The following COL6A5 variants were observed in gnomAD, a reference collection of about 807,000 sequenced individuals.
COL6A5 encodes collagen alpha-5(VI) chain.
Under a neutral mutation model 65.6 loss-of-function variants are expected in COL6A5, and 48 were observed. The ratio of observed to expected loss-of-function variants is 0.73; its 90% CI spans 0.58 to 0.93. COL6A5 has a LOEUF of 0.93. COL6A5 is among the 40% of genes least tolerant of loss of function. The pLI is 0.00. For synonymous variants in COL6A5, 291 were observed against 322.8 expected, an observed-to-expected ratio of 0.90 and a Z score of 1.05; for missense variants, 914 against 928.3, an observed-to-expected ratio of 0.98 and a Z score of 0.20.
At chr3:130,482,231 A>G (rs1235952242) in intron 7 of COL6A5, among the ~76,000 whole-genome samples, 1 of 152,174 alleles carries the variant, frequency 6.6e-6, no homozygotes, top group Non-Finnish European at 1.5e-5. Context: ...TATAAAGTAT[A>G]AGGAAAGGGT....
chr3:130,429,880 C>T (rs976497116), upstream of COL6A5, among the ~76,000 whole-genome samples: 7 of 152,164 alleles, frequency 4.6e-5, no homozygotes, highest in Admixed American at 4.6e-4. Context: ...GACTAATCCA[C>T]GTTCTGTTGC....
intron 5 of COL6A5, among the ~76,000 whole-genome samples, chr3:130,456,696 G>A (rs1028634569): frequency 7.9e-5 from 12 of 152,032 alleles, no homozygotes; most frequent in Admixed American, 7.2e-4. Flanking sequence ...TAAAATGCTT[G>A]TTTGGCAGAA....
chr3:130,473,166 T>C (rs1710002988), intron 7 of COL6A5, among the ~76,000 whole-genome samples: 1 of 152,030 alleles, frequency 6.6e-6, no homozygotes, highest in Non-Finnish European at 1.5e-5. Flanking sequence ...ATGTCACTTA[T>C]CTTTTCCACT....
chr3:130,426,394 G>A, exon 31 of COL6A5: 2 of 1,551,104 alleles, frequency 1.3e-6, no homozygotes, highest in Admixed American at 3.9e-5. Context: ...GTTTTTGCGG[G>A]AACATAGTCG....
chr3:130,474,406 C>T lies in COL6A5; in HGVS notation c.2328+3439C>T, dbSNP rs537427368. Reference sequence around the variant, plus strand: ...ATATTCAAAATGTTCAGGATACAATCCAAAATTATGGAACATACAGAGAAC... The same window carrying T: ...ATATTCAAAATGTTCAGGATACAATTCAAAATTATGGAACATACAGAGAAC... On this transcript the variant is annotated intron_variant, in intron 7 of 7. Transcript: ENST00000512836. 1.9e-4 allele frequency among the ~76,000 whole-genome samples: 29 copies of T among 152,044 alleles called. 2 individuals are homozygous for T. The South Asian group carries it at 6.0e-3, about 32-fold the overall frequency.
In COL6A5 at chr3:130,401,038, T is replaced by A. The variant is rs745795000; in HGVS notation, c.3999T>A (p.Asp1333Glu). 1.9e-6 allele frequency: 3 copies of A among 1,544,406 alleles called. No individual in the cohort carries two copies. In the South Asian group the frequency reaches 3.7e-5, roughly 19 times the overall value. ...GTGGTTTTTACCACATAGGACTTGA[T>A]GCTCTGCTGGTAGTGTCCCTTAACA... Residue 1333 changes from aspartate to glutamate, a missense_variant and NMD_transcript_variant, in exon 11 of 42, where the codon GAT becomes GAA. Coordinates refer to the COL6A5 transcript ENST00000312481.
intron 8 of COL6A5, among the ~76,000 whole-genome samples, chr3:130,397,180 G>A (rs1241182826): frequency 2.6e-5 from 4 of 152,112 alleles, no homozygotes; most frequent in Non-Finnish European, 4.4e-5. Flanking sequence ...AAACTTTAAT[G>A]TATTCTGACT....
intron 1 of COL6A5, among the ~76,000 whole-genome samples, chr3:130,363,310 C>G (rs1458196786): frequency 1.3e-5 from 2 of 152,194 alleles, no homozygotes; most frequent in Non-Finnish European, 2.9e-5. Flanking sequence ...CCTTACTCAT[C>G]CTGTAAATAG....
exon 6 of COL6A5, chr3:130,388,620 C>T (rs569605539): frequency 7.1e-6 from 11 of 1,548,948 alleles, no homozygotes; most frequent in East Asian, 2.4e-5. Flanking sequence ...TTCTGGTGGA[C>T]AGTTCTTGGA....
chr3:130,418,656 G>A (rs540920310), intron 24 of COL6A5, among the ~76,000 whole-genome samples: 1 of 152,086 alleles, frequency 6.6e-6, no homozygotes, highest in East Asian at 1.9e-4. Flanking sequence ...TTATAACACT[G>A]GAAAAGCAGC....
intron 13 of COL6A5, among the ~76,000 whole-genome samples, chr3:130,405,309 G>A (rs541897206): frequency 4.0e-4 from 61 of 152,250 alleles, no homozygotes; most frequent in African/African-American, 1.4e-3. Flanking sequence ...CCACTGTGCT[G>A]TTTGATCAGG....
chr3:130,388,561 T>A lies in COL6A5; in HGVS notation c.1862-19T>A. ...TTTCCAACCTGGTTATTTCTGGTCT[T>A]TTTTTTTATAACATGCAGGATGTGA... On this transcript the variant is annotated intron_variant and NMD_transcript_variant, in intron 5 of 41. Transcript: ENST00000312481. The A allele has an allele frequency of 1.3e-6, 2 of 1,492,854 alleles. No individual in the cohort carries two copies. The highest frequency in any genetic ancestry group is 1.8e-6 in the Non-Finnish European group (2 of 1,122,920). 92.5% of individuals were successfully genotyped at this position (1,492,854 alleles called of 1,614,324 possible).
chr3:130,410,896 T>A (rs1937154726), intron 20 of COL6A5, among the ~76,000 whole-genome samples: 2 of 152,182 alleles, frequency 1.3e-5, no homozygotes, highest in Non-Finnish European at 2.9e-5. Flanking sequence ...AGTTGGCCTT[T>A]CCCTTTCCAC....
Position 130,465,214 on chromosome 3 carries a change from C to T in COL6A5, c.1545-3581C>T, listed in dbSNP as rs143144411. On this transcript the variant is annotated intron_variant, in intron 5 of 7. Transcript: ENST00000512836. ...AGCTCCTGGAGCTGAGGAGTCAGAG[C>T]TGAGAGAACAGGGAGACCAAGGCAG... Among the ~76,000 whole-genome samples the T allele has an allele frequency of 3.7e-3, 559 of 152,060 alleles. 3 individuals carry two copies. Among genetic ancestry groups the T allele is most frequent in the African/African-American group, 0.013 (542 of 41,516 alleles).
chr3:130,404,733 A>C (rs976482882), intron 13 of COL6A5, among the ~76,000 whole-genome samples: 2 of 152,230 alleles, frequency 1.3e-5, no homozygotes, highest in Non-Finnish European at 2.9e-5. Context: ...CTCCTTTTGC[A>C]GGGAATGATC....
chr3:130,350,231 G>T lies in COL6A5; in HGVS notation c.-29+4250G>T, dbSNP rs78449469. ...AATCTGCTACGTGGATGCAGGACAA[G>T]AATGGTTCTTTGCGGCACAAGACAA... is the stretch of plus-strand genomic sequence containing the variant. On this transcript the variant is annotated intron_variant and NMD_transcript_variant, in intron 1 of 41. Coordinates refer to the COL6A5 transcript ENST00000312481. Among the ~76,000 whole-genome samples the T allele has an allele frequency of 9.7e-3, 1,483 of 152,200 alleles. 16 individuals carry two copies. Among genetic ancestry groups the T allele is most frequent in the South Asian group, 0.08 (384 of 4,826 alleles).
exon 5 of COL6A5, chr3:130,385,239 G>C (rs560299209): frequency 6.4e-7 from 1 of 1,550,924 alleles, no homozygotes; most frequent in South Asian, 1.2e-5. Context: ...GTTGGCATTG[G>C]GGCAGCTAAT....
intron 11 of COL6A5, 26 bp from the exon 12 acceptor site, chr3:130,401,736 C>A (rs1235016838): frequency 6.7e-7 from 1 of 1,500,062 alleles, no homozygotes; most frequent in East Asian, 2.5e-5. Flanking sequence ...ATTGCTATTC[C>A]CTCAGCTTTA....
chr3:130,455,447 T>TC lies in COL6A5; in HGVS notation c.1333-7dup, dbSNP rs765154206. Reference sequence around the variant, plus strand: ...TCTAGACTCACCTAAAGTTTTTTTTTCTTCTAGATTTGTTACTGAGCTACA... The same window carrying TC: ...TCTAGACTCACCTAAAGTTTTTTTTTCCTTCTAGATTTGTTACTGAGCTACA... On this transcript the variant is annotated splice_polypyrimidine_tract_variant and splice_region_variant and intron_variant, in intron 4 of 7. Transcript: ENST00000512836. 3.2e-6 allele frequency: 5 copies of TC among 1,587,060 alleles called. No individual in the cohort carries two copies. The South Asian group carries it at 3.4e-5, about 11-fold the overall frequency.
Sources: allele counts gnomAD v4.1 joint callset (sites outside exome capture counted in the v4.1 genomes callset), GRCh38; gene constraint gnomAD v4.1.1; transcripts MANE v1.5; gene names NCBI Gene and HGNC (gene_info 2026-07-23, HGNC 2026-07-21).